The following CSE1L variants were observed in gnomAD, a reference collection of about 807,000 sequenced individuals.
CSE1L encodes the protein chromosome segregation 1 like.
CSE1L carries 24 observed loss-of-function variants against 120.4 expected under a neutral mutation model. That is an observed-to-expected ratio of 0.20 (90% CI 0.14 to 0.28). The LOEUF (loss-of-function observed/expected upper bound fraction) is 0.28, where lower values mean the gene tolerates loss of function less well. Among genes scored for constraint, CSE1L ranks in the 10% least tolerant of loss-of-function variants. The probability of loss-of-function intolerance (pLI) is 1.00; values close to 1 mark genes in which losing one functional copy is unlikely to be tolerated. For missense variants in CSE1L, 830 were observed against 1,145.2 expected (o/e 0.72, Z 3.97); for synonymous variants, 402 against 398.3 (o/e 1.01, Z -0.11).
Position 49,074,807 on chromosome 20 carries a change from AGAT to A in CSE1L, c.1090_1092del (p.Asp364del). 6.2e-7 allele frequency: 1 copy of A among 1,612,936 alleles called. No homozygotes were observed. Among genetic ancestry groups the A allele is most frequent in the Non-Finnish European group, 8.5e-7 (1 of 1,179,546 alleles). On this transcript the variant is annotated inframe_deletion, in exon 11 of 25. Transcript: ENST00000262982. ...TAGCTGCTGATGAAGAAGCATTTGA[AGAT>A]AATTCTGAGGAGTACATAAGGAGAG...
intron 1 of CSE1L, among the ~76,000 whole-genome samples, chr20:49,047,559 C>CTTTTTTTTTTTT (rs1568757225): frequency 3.3e-5 from 2 of 61,084 alleles, no homozygotes; most frequent in African/African-American, 1.3e-4. Flanking sequence ...TTTCTTTTCT[C>CTTTTTTTTTTTT]TTTTCTTTTT....
At chr20:49,087,440 C>T (rs1207328887) in intron 16 of CSE1L, among the ~76,000 whole-genome samples, 1 of 150,628 alleles carries the variant, frequency 6.6e-6, no homozygotes, top group Non-Finnish European at 1.5e-5. Flanking sequence ...TCACTGCAAC[C>T]TCCACTTCCC....
intron 12 of CSE1L, among the ~76,000 whole-genome samples, chr20:49,076,620 C>G (rs1300102302): frequency 7.0e-6 from 1 of 142,094 alleles, no homozygotes; most frequent in Non-Finnish European, 1.5e-5. Flanking sequence ...ACCTCTGCCT[C>G]CCGGGTTCAA....
In CSE1L at chr20:49,084,106, C is replaced by T. The variant is rs140701703; in HGVS notation, c.1563C>T (p.Tyr521=). The change falls in exon 15 of 25, where the codon TAC becomes TAT. Residue 521 remains tyrosine (Y), a synonymous_variant. Coordinates refer to ENST00000262982, the MANE Select transcript of CSE1L (RefSeq NM_001316.4). ...LQAESIVVHT[Y]AAHALERLFT... is the part of the protein sequence containing the mutation. ...CTGAAAGTATTGTTGTTCATACTTACGCAGCTCATGCTCTTGAACGGCTCT... is the reference window on the plus strand; with the variant it reads ...CTGAAAGTATTGTTGTTCATACTTATGCAGCTCATGCTCTTGAACGGCTCT... 21 of 1,613,866 alleles carry T rather than the reference C, an allele frequency of 1.3e-5. No homozygotes were observed. In the African/African-American group the frequency reaches 1.6e-4, roughly 12 times the overall value.
chr20:49,081,082 C>G (rs1331653785), intron 14 of CSE1L, among the ~76,000 whole-genome samples: 2 of 151,088 alleles, frequency 1.3e-5, no homozygotes, highest in Non-Finnish European at 2.9e-5. Context: ...CTCCCAGGTT[C>G]AAGTGATTCT....
chr20:49,090,756 T>A lies in CSE1L; in HGVS notation c.2196T>A (p.Gly732=). ...AAADKIPGLL[G]VFQKLIASKA... is the part of the protein sequence containing the mutation. ...TTTCTTAACAGCCTGGGTTACTAGG[T>A]GTCTTTCAGAAGCTGATTGCATCCA... The change falls in exon 20 of 25, where the codon GGT becomes GGA. Residue 732 remains glycine (G), a synonymous_variant. Coordinates refer to ENST00000262982, the MANE Select transcript of CSE1L (RefSeq NM_001316.4). 1.2e-6 allele frequency: 2 copies of A among 1,613,924 alleles called. No individual in the cohort carries two copies. The highest frequency in any genetic ancestry group is 2.2e-5 in the South Asian group (2 of 91,064).
chr20:49,075,574 A>G, intron 12 of CSE1L, 54 bp downstream of exon 12: 1 of 1,414,048 alleles, frequency 7.1e-7, no homozygotes, highest in Non-Finnish European at 9.9e-7. Context: ...TGACACCCAC[A>G]CAAGTCAAAA....
intron 22 of CSE1L, among the ~76,000 whole-genome samples, chr20:49,093,255 A>G (rs960182154): frequency 2.6e-5 from 4 of 152,154 alleles, no homozygotes; most frequent in African/African-American, 9.7e-5. Context: ...AGAGAGCAAA[A>G]TGTATGCACT....
intron 1 of CSE1L, among the ~76,000 whole-genome samples, chr20:49,056,263 G>A (rs1342494097): frequency 6.6e-6 from 1 of 152,060 alleles, no homozygotes; most frequent in Non-Finnish European, 1.5e-5. Flanking sequence ...ATGCCACCAT[G>A]CCCGGCTGAT....
At chr20:49,068,665 A>C in intron 6 of CSE1L, 50 bp from the exon 7 acceptor site, 1 of 1,187,476 alleles carries the variant, frequency 8.4e-7, no homozygotes, top group South Asian at 1.2e-5. Context: ...TAAGATCAGC[A>C]TGCTGGGTTT....
At chr20:49,081,245 G>C (rs905310366) in intron 14 of CSE1L, among the ~76,000 whole-genome samples, 1 of 151,778 alleles carries the variant, frequency 6.6e-6, no homozygotes, top group Non-Finnish European at 1.5e-5. Context: ...CTCGGTCTCC[G>C]AAAGTGCTGG....
chr20:49,051,371 C>T (rs548731079), intron 1 of CSE1L, among the ~76,000 whole-genome samples: 4 of 138,672 alleles, frequency 2.9e-5, no homozygotes, highest in African/African-American at 1.2e-4. Context: ...ACGGTGAAAC[C>T]GCATCTTTAC....
chr20:49,064,040 G>A (rs1186574130), intron 3 of CSE1L, among the ~76,000 whole-genome samples: 2 of 152,164 alleles, frequency 1.3e-5, no homozygotes, highest in Admixed American at 6.5e-5. Context: ...CTCACCAGGG[G>A]ACATTTGGCA....
rs2092129400 is a variant in CSE1L at position 49,095,057 on chromosome 20, G to T, written c.2826+94G>T. 4 of 966,992 alleles carry T rather than the reference G, an allele frequency of 4.1e-6. No homozygotes were observed. The Admixed American group carries it at 8.4e-5, about 20-fold the overall frequency. The allele number at this position is 966,992 out of a possible 1,614,324, so 59.9% of individuals were successfully genotyped here. ...GTTCTGGTGTCTGTTTTCATTGGTG[G>T]GCGTAATAAAACTAAATCTCATTGA... is the stretch of plus-strand genomic sequence containing the variant. On this transcript the variant is annotated intron_variant, in intron 24 of 24. Transcript: ENST00000262982.
At chr20:49,084,823 A>T (rs2092041572) in intron 15 of CSE1L, among the ~76,000 whole-genome samples, 2 of 152,108 alleles carry the variant, frequency 1.3e-5, no homozygotes, top group South Asian at 4.2e-4. Context: ...TTCATCAAGA[A>T]CTTGAAGTAC....
chr20:49,074,926 A>G, intron 11 of CSE1L, 76 bp downstream of exon 11: 4 of 1,067,432 alleles, frequency 3.7e-6, no homozygotes, highest in Non-Finnish European at 4.2e-6. Context: ...AGTAAATGGG[A>G]GAAGTGGGAT....
At chr20:49,082,553 C>CA (rs1414322355) in intron 14 of CSE1L, among the ~76,000 whole-genome samples, 1 of 151,968 alleles carries the variant, frequency 6.6e-6, no homozygotes, top group Non-Finnish European at 1.5e-5. Context: ...TCGCTCAGTG[C>CA]AGTAACACAA....
At chr20:49,093,806 A>C (rs1195439487) in intron 22 of CSE1L, among the ~76,000 whole-genome samples, 1 of 151,286 alleles carries the variant, frequency 6.6e-6, no homozygotes, top group Non-Finnish European at 1.5e-5. Flanking sequence ...AATCCCACCT[A>C]CTCAGGGGGC....
chr20:49,070,848 A>C (rs1347693323), intron 8 of CSE1L, among the ~76,000 whole-genome samples: 1 of 152,202 alleles, frequency 6.6e-6, no homozygotes, highest in South Asian at 2.1e-4. Flanking sequence ...AGTTGTGAGG[A>C]TCCCTTGACC....
Sources: gnomAD v4.1 joint callset for allele counts (sites outside exome capture counted in the v4.1 genomes callset) on GRCh38, gnomAD v4.1.1 for gene constraint, MANE v1.5 for transcripts, NCBI Gene and HGNC (gene_info 2026-07-23, HGNC 2026-07-21) for gene names.